The following MAK variants were observed in gnomAD, a reference collection of about 807,000 sequenced individuals.
MAK encodes serine/threonine-protein kinase MAK.
In MAK, 65 loss-of-function variants were observed where a neutral mutation model predicts 82.6. The ratio of observed to expected loss-of-function variants is 0.79; its 90% CI spans 0.64 to 0.97. MAK has a LOEUF of 0.97. MAK is among the 50% of genes least tolerant of loss of function. The pLI is 0.00. For missense variants in MAK, 703 were observed against 780.2 expected, an observed-to-expected ratio of 0.90 and a Z score of 1.18; for synonymous variants, 250 against 274.2, an observed-to-expected ratio of 0.91 and a Z score of 0.87.
chr6:10,814,763 C>T (rs576671925), intron 4 of MAK, among the ~76,000 whole-genome samples: 4 of 150,426 alleles, frequency 2.7e-5, no homozygotes, highest in South Asian at 2.1e-4. Flanking sequence ...ATATAAGAGC[C>T]GGCTGGGCAT....
At chr6:10,823,295 A>G (rs1778099068) in intron 2 of MAK, among the ~76,000 whole-genome samples, 1 of 152,188 alleles carries the variant, frequency 6.6e-6, no homozygotes, top group Admixed American at 6.5e-5. Context: ...GTTAAATTCC[A>G]TATCTAATAA....
chr6:10,799,448 T>G (rs1775839482), intron 8 of MAK, among the ~76,000 whole-genome samples: 1 of 152,190 alleles, frequency 6.6e-6, no homozygotes, highest in Non-Finnish European at 1.5e-5. Flanking sequence ...AGGTAATGAA[T>G]GTTTAGAAAA....
chr6:10,815,593 G>A (rs1007332137), intron 4 of MAK, among the ~76,000 whole-genome samples: 1 of 151,930 alleles, frequency 6.6e-6, no homozygotes, highest in African/African-American at 2.4e-5. Context: ...ACTGCACTCT[G>A]GCCCTCCAGC....
intron 6 of MAK, among the ~76,000 whole-genome samples, chr6:10,807,413 G>A (rs1285873856): frequency 7.1e-6 from 1 of 140,424 alleles, no homozygotes; most frequent in Admixed American, 7.6e-5. Flanking sequence ...CGCAATCTCG[G>A]CTCACTGCAA....
chr6:10,813,132 ATAAAT>A (rs1777167336), intron 5 of MAK, among the ~76,000 whole-genome samples: 1 of 762 alleles, frequency 1.3e-3, no homozygotes, highest in South Asian at 0.062. Context: ...ATATATATAT[ATAAAT>A]TTTTTTTTTT....
rs1042162852 is a variant in MAK at position 10,816,349 on chromosome 6, G to T, written c.278+1501C>A. Among the ~76,000 whole-genome samples the T allele has an allele frequency of 4.6e-5, 7 of 152,136 alleles. 1 individual carries two copies. The highest frequency in any genetic ancestry group is 1.7e-4 in the African/African-American group (7 of 41,500). On this transcript the variant is annotated intron_variant, in intron 4 of 14. Transcript: ENST00000354489. ...AGCCTCGCAAAGTACTGGATTAAAG[G>T]CAGGAACTACCACATCCATCCAGAT...
In MAK at chr6:10,800,788, C is replaced by T. The variant is rs1461539376; in HGVS notation, c.831+1104G>A. Among the ~76,000 whole-genome samples the T allele has an allele frequency of 4.0e-5, 6 of 151,862 alleles. No homozygotes were observed. The highest frequency in any genetic ancestry group is 8.8e-5 in the Non-Finnish European group (6 of 67,948). On this transcript the variant is annotated intron_variant, in intron 8 of 14. Coordinates refer to ENST00000354489, the MANE Select transcript of MAK (RefSeq NM_001242957.3). This position sits in a 1 kb window ranked among gnomAD's most constrained non-coding sequence, Gnocchi z 4.2. Reference sequence around the variant, plus strand: ...CCAGGAGGCAGAGGTTGCGGTGAGCCGAGATCATGCCATTGCACTCCAGCC... The same window carrying T: ...CCAGGAGGCAGAGGTTGCGGTGAGCTGAGATCATGCCATTGCACTCCAGCC...
intron 9 of MAK, 152 bp from the exon 10 acceptor site, chr6:10,791,999 T>C (rs1775130362): frequency 1.3e-6 from 1 of 798,792 alleles, no homozygotes; most frequent in Non-Finnish European, 2.1e-6. Flanking sequence ...TTTAAAAGCA[T>C]GAACAAAAAT....
At chr6:10,833,321 TG>T (rs1232030086) in intron 1 of MAK, among the ~76,000 whole-genome samples, 3 of 152,110 alleles carry the variant, frequency 2.0e-5, no homozygotes, top group Non-Finnish European at 1.5e-5. Flanking sequence ...ATACGGAGTG[TG>T]GGCTGGGCGC....
intron 10 of MAK, among the ~76,000 whole-genome samples, chr6:10,790,461 A>C (rs916026015): frequency 6.6e-6 from 1 of 152,196 alleles, no homozygotes; most frequent in African/African-American, 2.4e-5. Context: ...CCAAAACTTA[A>C]CCCATCCTAA....
At position 10,830,711 on chromosome 6, in the gene MAK, G is replaced by C; in HGVS notation, c.-63C>G. The C allele has an allele frequency of 1.6e-6, 2 of 1,279,884 alleles. No individual in the cohort carries two copies. Among genetic ancestry groups the C allele is most frequent in the Non-Finnish European group, 1.1e-6 (1 of 875,664 alleles). The allele number at this position is 1,279,884 out of a possible 1,614,324, so 79.3% of individuals were successfully genotyped here. ...TGACTTCCTTGTTGAATATAAATTT[G>C]AACGCTTCTTAATTTTTATTTGCTT... On this transcript the variant is annotated 5_prime_UTR_variant, in exon 2 of 15. Transcript: ENST00000354489.
At chr6:10,807,929 A>T (rs1776619597) in intron 6 of MAK, among the ~76,000 whole-genome samples, 1 of 152,100 alleles carries the variant, frequency 6.6e-6, no homozygotes, top group African/African-American at 2.4e-5. Context: ...TTAGCTGGGC[A>T]TGGTGATGGG....
chr6:10,811,427 C>T (rs1446056579), intron 5 of MAK, among the ~76,000 whole-genome samples: 1 of 152,260 alleles, frequency 6.6e-6, no homozygotes, highest in East Asian at 1.9e-4. Flanking sequence ...ACTATGTAGC[C>T]AACTCTACAG....
intron 11 of MAK, among the ~76,000 whole-genome samples, chr6:10,781,289 T>A (rs558869929): frequency 1.3e-5 from 2 of 152,304 alleles, no homozygotes; most frequent in East Asian, 3.9e-4. Flanking sequence ...TTAGAATAAC[T>A]TATTTTCTCT....
chr6:10,803,756 G>C lies in MAK; in HGVS notation c.627C>G (p.Ile209Met), dbSNP rs1581714433. 6.2e-7 allele frequency: 1 copy of C among 1,614,046 alleles called. No individual in the cohort carries two copies. The highest frequency in any genetic ancestry group is 1.1e-5 in the South Asian group (1 of 91,078). ...TCCCTAAAACTTGGCAAATTTTAAA[G>C]ATTTCATCGACCTCACTTGTCCCTG... ...LFPGTSEVDE[I>M]FKICQVLGTP... The change falls in exon 7 of 15, where the codon ATC becomes ATG. Residue 209 changes from isoleucine to methionine, a missense_variant. By Grantham distance (10) the Ile-to-Met change is conservative. Transcript: ENST00000354489.
At chr6:10,814,065 G>C (rs1581740442) in intron 4 of MAK, among the ~76,000 whole-genome samples, 1 of 152,030 alleles carries the variant, frequency 6.6e-6, no homozygotes, top group South Asian at 2.1e-4. Flanking sequence ...CACCTCCCGG[G>C]TTCAAGTGAT....
chr6:10,836,771 A>T (rs1400026298), intron 1 of MAK, among the ~76,000 whole-genome samples: 1 of 152,252 alleles, frequency 6.6e-6, no homozygotes, highest in Non-Finnish European at 1.5e-5. Context: ...TATCATCCTC[A>T]ATTTAACAGA....
intron 5 of MAK, 85 bp downstream of exon 5, chr6:10,813,559 G>C (rs1466483053): frequency 6.2e-6 from 5 of 808,114 alleles, no homozygotes; most frequent in Admixed American, 3.5e-5. Context: ...CAATATAACA[G>C]TTATTTAACA....
intron 5 of MAK, among the ~76,000 whole-genome samples, chr6:10,811,321 A>G (rs1418976068): frequency 6.6e-6 from 1 of 152,212 alleles, no homozygotes; most frequent in Non-Finnish European, 1.5e-5. Context: ...TAAAATATCT[A>G]TTTCTTGAAG....
Sources: gnomAD v4.1 joint callset for allele counts (sites outside exome capture counted in the v4.1 genomes callset) on GRCh38, gnomAD v4.1.1 for gene constraint, Gnocchi (gnomAD v3.1) non-coding constraint, MANE v1.5 for transcripts, NCBI Gene and HGNC (gene_info 2026-07-23, HGNC 2026-07-21) for gene names.